The following CNGA1 variants were observed in gnomAD, a reference collection of about 807,000 sequenced individuals.
CNGA1 encodes the protein cyclic nucleotide gated channel subunit alpha 1, also known as cyclic nucleotide-gated channel alpha-1.
Under a neutral mutation model 69.7 loss-of-function variants are expected in CNGA1, and 53 were observed. That is an observed-to-expected ratio of 0.76 (90% confidence interval 0.61 to 0.96). The LOEUF (loss-of-function observed/expected upper bound fraction) is 0.96. CNGA1 is among the 40% of genes least tolerant of loss of function. The pLI is 0.00. For missense variants in CNGA1, 739 were observed against 811.2 expected (o/e 0.91, Z 1.08); for synonymous variants, 249 against 283.5 (o/e 0.88, Z 1.22).
At chr4:47,957,670 A>C (rs900914283) in intron 3 of CNGA1, among the ~76,000 whole-genome samples, 1 of 152,164 alleles carries the variant, frequency 6.6e-6, no homozygotes, top group African/African-American at 2.4e-5. Context: ...ACTGATATTT[A>C]TGCCTCAAGT....
At chr4:47,939,927 A>C (rs181590618) in intron 10 of CNGA1, among the ~76,000 whole-genome samples, 6 of 152,040 alleles carry the variant, frequency 3.9e-5, no homozygotes, top group Non-Finnish European at 8.8e-5. Flanking sequence ...TGTGCTGTCT[A>C]TTTTGCATAT....
intron 5 of CNGA1, among the ~76,000 whole-genome samples, chr4:47,950,279 G>T (rs948693381): frequency 2.0e-5 from 3 of 152,162 alleles, no homozygotes; most frequent in South Asian, 2.1e-4. Context: ...AGTCTCACAA[G>T]ATCTGATGGT....
intron 3 of CNGA1, among the ~76,000 whole-genome samples, chr4:47,968,811 A>C (rs571408812): frequency 6.6e-6 from 1 of 152,174 alleles, no homozygotes; most frequent in African/African-American, 2.4e-5. Context: ...AAGGCTTCCT[A>C]TTCTAGGCAA....
chr4:47,973,886 T>C (rs28699496), intron 3 of CNGA1, among the ~76,000 whole-genome samples: 31,831 of 152,034 alleles, frequency 0.21, 4,309 homozygotes, highest in African/African-American at 0.37. Context: ...TCATGATATA[T>C]TGCTAAGTAG....
In CNGA1 at chr4:47,976,149, G is replaced by GTATA. The variant is rs58349297; in HGVS notation, c.-15+5240_-15+5243dup. 5.8e-3 allele frequency among the ~76,000 whole-genome samples: 141 copies of GTATA among 24,406 alleles called. 5 individuals are homozygous for GTATA. The highest frequency in any genetic ancestry group is 0.011 in the East Asian group (10 of 908). The allele number at this position is 24,406 out of a possible 152,430, so 16.0% of individuals were successfully genotyped here. On this transcript the variant is annotated intron_variant, in intron 3 of 10. Transcript: ENST00000514170. Reference sequence around the variant, plus strand: ...TCTCCCTAAGCATTTACTTTCATATGTATATATATATATATATATATACAC... The same window carrying GTATA: ...TCTCCCTAAGCATTTACTTTCATATGTATATATATATATATATATATATATACAC...
At chr4:47,986,676 T>C (rs754654476) in intron 2 of CNGA1, among the ~76,000 whole-genome samples, 1 of 152,070 alleles carries the variant, frequency 6.6e-6, no homozygotes, top group Non-Finnish European at 1.5e-5. Flanking sequence ...GGCACTTTTC[T>C]ACGAGGCACA....
intron 6 of CNGA1, among the ~76,000 whole-genome samples, chr4:47,947,239 G>A (rs1560623681): frequency 6.6e-6 from 1 of 152,174 alleles, no homozygotes; most frequent in Non-Finnish European, 1.5e-5. Context: ...GCATAGATGG[G>A]TCAGTTTAGA....
At chr4:47,947,159 A>G (rs759923766) in intron 6 of CNGA1, among the ~76,000 whole-genome samples, 1 of 152,060 alleles carries the variant, frequency 6.6e-6, no homozygotes, top group African/African-American at 2.4e-5. Flanking sequence ...TTTTCCACTC[A>G]GCACCTATTT....
chr4:47,951,342 A>G lies in CNGA1; in HGVS notation c.224+11T>C. On this transcript the variant is annotated intron_variant, in intron 5 of 10. Transcript: ENST00000514170. ...AAAAACAAGCACCAAGGGATGGATC[A>G]TACTGCTCACCTCTGTGATGGTCCT... is the stretch of plus-strand genomic sequence containing the variant. The G allele has an allele frequency of 6.5e-7, 1 of 1,533,740 alleles. No individual in the cohort carries two copies. Among genetic ancestry groups the G allele is most frequent in the Non-Finnish European group, 9.0e-7 (1 of 1,107,024 alleles).
At chr4:47,976,176 TAC>T (rs1741354932) in intron 3 of CNGA1, among the ~76,000 whole-genome samples, 1 of 53,710 alleles carries the variant, frequency 1.9e-5, no homozygotes, top group African/African-American at 9.3e-5. Flanking sequence ...TATATACACA[TAC>T]ATATATATAT....
intron 8 of CNGA1, 41 bp downstream of exon 8, chr4:47,943,140 T>C: frequency 7.1e-7 from 1 of 1,399,766 alleles, no homozygotes; most frequent in East Asian, 2.3e-5. Context: ...CTAAAACCCA[T>C]CACAATTTCC....
At chr4:47,998,977 G>A (rs1714532291) in intron 2 of CNGA1, among the ~76,000 whole-genome samples, 1 of 152,072 alleles carries the variant, frequency 6.6e-6, no homozygotes, top group African/African-American at 2.4e-5. Flanking sequence ...TCATAAGTTT[G>A]ACATATTATC....
intron 3 of CNGA1, among the ~76,000 whole-genome samples, chr4:47,954,387 A>G (rs867844398): frequency 6.6e-6 from 1 of 152,220 alleles, no homozygotes; most frequent in South Asian, 2.1e-4. Context: ...CCGGACAGCA[A>G]GGCTAAAGGA....
intron 3 of CNGA1, among the ~76,000 whole-genome samples, chr4:47,968,263 T>C (rs1740830202): frequency 6.6e-6 from 1 of 152,216 alleles, no homozygotes; most frequent in Non-Finnish European, 1.5e-5. Flanking sequence ...TAGATATTTG[T>C]ACAATGTCAT....
chr4:48,002,831 T>C (rs745837089), intron 2 of CNGA1, among the ~76,000 whole-genome samples: 18 of 152,304 alleles, frequency 1.2e-4, no homozygotes, highest in Non-Finnish European at 1.8e-4. Flanking sequence ...CAATGGTTTA[T>C]GTCTGCACCT....
intron 3 of CNGA1, among the ~76,000 whole-genome samples, chr4:47,980,961 A>G (rs1484128958): frequency 6.7e-6 from 1 of 148,636 alleles, no homozygotes; most frequent in Non-Finnish European, 1.5e-5. Context: ...TTGATAAAGT[A>G]TCTGATACTT....
Position 47,936,219 on chromosome 4 carries a change from G to T in CNGA1, c.*202C>A. 1.6e-6 allele frequency: 1 copy of T among 610,582 alleles called. No individual in the cohort carries two copies. Among genetic ancestry groups the T allele is most frequent in the Non-Finnish European group, 2.9e-6 (1 of 347,750 alleles). 37.8% of individuals were successfully genotyped at this position (610,582 alleles called of 1,614,324 possible). A position where few individuals can be genotyped will look rare whatever the true frequency, so the allele number is the denominator to read the frequency against. Reference sequence around the variant, plus strand: ...TATATCTTTGCACATTATCAGTTGTGAAAAATCCCAAGATATAAAGCTTTT... The same window carrying T: ...TATATCTTTGCACATTATCAGTTGTTAAAAATCCCAAGATATAAAGCTTTT... On this transcript the variant is annotated 3_prime_UTR_variant, in exon 11 of 11. Coordinates refer to ENST00000514170, the MANE Select transcript of CNGA1 (RefSeq NM_001379270.1).
chr4:47,973,439 T>G (rs935148948), intron 3 of CNGA1, among the ~76,000 whole-genome samples: 11 of 152,078 alleles, frequency 7.2e-5, no homozygotes, highest in African/African-American at 2.2e-4. Context: ...CACACACCAC[T>G]GAGGTATTAC....
chr4:47,936,925 T>C lies in CNGA1; in HGVS notation c.1557A>G (p.Lys519=). 6.2e-7 allele frequency: 1 copy of C among 1,613,908 alleles called. No homozygotes were observed. The change falls in exon 11 of 11, where the codon AAA becomes AAG. Residue 519 remains lysine, a synonymous_variant. Coordinates refer to ENST00000514170, the MANE Select transcript of CNGA1 (RefSeq NM_001379270.1). Reference sequence around the variant, plus strand: ...CTCCATCATCTGCCACCACAGCGAGTTTGCCTTCCTTGATAATGTACATCT... The same window carrying C: ...CTCCATCATCTGCCACCACAGCGAGCTTGCCTTCCTTGATAATGTACATCT... The part of the protein sequence containing the change: ...GREMYIIKEG[K]LAVVADDGVT...
Sources: allele counts gnomAD v4.1 joint callset (sites outside exome capture counted in the v4.1 genomes callset), GRCh38; gene constraint gnomAD v4.1.1; transcripts MANE v1.5; gene names NCBI Gene and HGNC (gene_info 2026-07-23, HGNC 2026-07-21).